Variants in SORL1 observed in about 807,000 individuals in gnomAD.
SORL1 encodes the protein sortilin related receptor 1.
SORL1 carries 127 observed loss-of-function variants against 273.7 expected under a neutral mutation model. The observed-to-expected ratio is 0.46, with a 90% CI of 0.40 to 0.54. The LOEUF is 0.54. Ranked by LOEUF, SORL1 falls within the 20% of genes least tolerant of loss-of-function variation. SORL1 has a pLI of 0.00. For synonymous variants in SORL1, 1,031 were observed against 1,067.4 expected (o/e 0.97, Z 0.66); for missense variants, 2,494 against 2,846.1 (o/e 0.88, Z 2.81).
intron 21 of SORL1, among the ~76,000 whole-genome samples, chr11:121,566,340 CA>C (rs1862754012): frequency 6.6e-6 from 1 of 151,764 alleles, no homozygotes; most frequent in African/African-American, 2.4e-5. Context: ...TTGAGAAGTC[CA>C]AAGACATTCT....
At chr11:121,549,143 C>G (rs1862472645) in intron 14 of SORL1, among the ~76,000 whole-genome samples, 1 of 152,162 alleles carries the variant, frequency 6.6e-6, no homozygotes. Flanking sequence ...GTCTCATGAA[C>G]CTAACTACTG....
In SORL1 at chr11:121,567,081, A is replaced by G. The variant is rs1485099565; in HGVS notation, c.3191A>G (p.Tyr1064Cys). The change falls in exon 22 of 48, where the codon TAT (tyrosine) becomes TGT (cysteine). Residue 1064 changes from tyrosine (Y) to cysteine (C), a missense_variant. This residue lies in a region of SORL1 where 1,609 missense variants were observed against 1,816.4 expected (regional missense o/e 0.89). Transcript: ENST00000260197. Reference sequence around the variant, plus strand: ...CTGATGTGTGACTGCCCTCAGGGCTATCAGCTCAAGAACAATACCTGTGTC... The same window carrying G: ...CTGATGTGTGACTGCCCTCAGGGCTGTCAGCTCAAGAACAATACCTGTGTC... The part of the protein sequence containing the change: ...GDLMCDCPQG[Y>C]QLKNNTCVKQ... 3.7e-6 allele frequency: 6 copies of G among 1,614,090 alleles called. No homozygotes were observed. Among genetic ancestry groups the G allele is most frequent in the South Asian group, 2.2e-5 (2 of 91,072 alleles).
At position 121,554,109 on chromosome 11, in the gene SORL1, G is replaced by C. The variant is rs1273356358; in HGVS notation, c.2439G>C (p.Gln813His). ...YWSDLALDVI[Q>H]RLCLNGSTGQ... ...CCGACCTGGCCTTGGACGTCATCCA[G>C]GTGAGTCAGCGCTTGGTCTGACTGT... The change falls in exon 17 of 48, where the codon CAG (glutamine) becomes CAC (histidine). Residue 813 changes from glutamine (Q) to histidine (H), a missense_variant and splice_region_variant. Coordinates refer to ENST00000260197, the MANE Select transcript of SORL1 (RefSeq NM_003105.6). This position sits in a 1 kb window ranked among gnomAD's most constrained non-coding sequence, Gnocchi z 4.6. 1.2e-6 allele frequency: 2 copies of C among 1,613,598 alleles called. No individual in the cohort carries two copies. Among genetic ancestry groups the C allele is most frequent in the African/African-American group, 1.3e-5 (1 of 75,052 alleles).
At chr11:121,469,247 A>C (rs888741724) in intron 1 of SORL1, among the ~76,000 whole-genome samples, 1 of 151,986 alleles carries the variant, frequency 6.6e-6, no homozygotes, top group South Asian at 2.1e-4. Context: ...ACCTGCTGGA[A>C]CTCAGTCCCA....
chr11:121,496,236 G>A (rs1341213762), intron 5 of SORL1, among the ~76,000 whole-genome samples: 4 of 152,250 alleles, frequency 2.6e-5, no homozygotes, highest in African/African-American at 9.6e-5. Context: ...AGAGTGTGGT[G>A]TTTGCAAAAG....
intron 1 of SORL1, among the ~76,000 whole-genome samples, chr11:121,462,894 A>G (rs1190808213): frequency 1.3e-5 from 2 of 152,222 alleles, no homozygotes; most frequent in African/African-American, 4.8e-5. Context: ...AACACCTAGT[A>G]TAGCATCTGG....
intron 2 of SORL1, among the ~76,000 whole-genome samples, chr11:121,472,450 G>A (rs1419502100): frequency 1.3e-5 from 2 of 152,212 alleles, no homozygotes; most frequent in Non-Finnish European, 2.9e-5. Context: ...CAGTGGGAAG[G>A]TCGGGGCTGA....
At position 121,550,170 on chromosome 11, in the gene SORL1, C is replaced by T. The variant is rs1862487101; in HGVS notation, c.2180+82C>T. 4 of 1,391,874 alleles carry T rather than the reference C, an allele frequency of 2.9e-6. No homozygotes were observed. Among genetic ancestry groups the T allele is most frequent in the Admixed American group, 2.6e-5 (1 of 39,116 alleles). The allele number at this position is 1,391,874 out of a possible 1,614,324, so 86.2% of individuals were successfully genotyped here. A position where few individuals can be genotyped will look rare whatever the true frequency, so the allele number is the denominator to read the frequency against. ...AGAGCATAGAGGACCGTCTGGATTGCTCTACACTCGAAATTCTAGAATTCC... is the reference window on the plus strand; with the variant it reads ...AGAGCATAGAGGACCGTCTGGATTGTTCTACACTCGAAATTCTAGAATTCC... On this transcript the variant is annotated intron_variant, in intron 15 of 47. Coordinates refer to ENST00000260197, the MANE Select transcript of SORL1 (RefSeq NM_003105.6). The surrounding 1 kb of genome is among the most constrained non-coding windows in gnomAD (Gnocchi z 5.3).
intron 16 of SORL1, 94 bp from the exon 17 acceptor site, chr11:121,553,843 A>G: frequency 8.3e-7 from 1 of 1,201,294 alleles, no homozygotes; most frequent in East Asian, 2.4e-5. Flanking sequence ...AATGAATTTG[A>G]GGTTTGTGTA....
At chr11:121,468,818 TGTCCATC>T (rs752721997) in intron 1 of SORL1, among the ~76,000 whole-genome samples, 2 of 152,196 alleles carry the variant, frequency 1.3e-5, no homozygotes, top group Non-Finnish European at 2.9e-5. Context: ...CTCAGACAGG[TGTCCATC>T]AGCCAACAGT....
chr11:121,560,952 G>A (rs913597104), intron 21 of SORL1, among the ~76,000 whole-genome samples: 1 of 152,190 alleles, frequency 6.6e-6, no homozygotes, highest in Non-Finnish European at 1.5e-5. Context: ...TTTCTTAGAG[G>A]AGGCACCTGT....
chr11:121,479,988 C>T (rs887737580), intron 3 of SORL1, among the ~76,000 whole-genome samples: 2 of 152,186 alleles, frequency 1.3e-5, no homozygotes, highest in African/African-American at 4.8e-5. Flanking sequence ...GTGTGGTCCC[C>T]AGGACTCCCA....
At chr11:121,501,372 A>G (rs567570038) in intron 6 of SORL1, among the ~76,000 whole-genome samples, 1 of 152,272 alleles carries the variant, frequency 6.6e-6, no homozygotes, top group East Asian at 1.9e-4. Flanking sequence ...CATTACCATT[A>G]CTTCCTTCTC....
intron 6 of SORL1, 25 bp from the exon 7 acceptor site, chr11:121,512,978 T>G: frequency 6.4e-7 from 1 of 1,554,186 alleles, no homozygotes; most frequent in Non-Finnish European, 8.9e-7. Flanking sequence ...CACCATTAAT[T>G]TTTTTTTCTC....
chr11:121,514,147 C>G lies in SORL1; in HGVS notation c.1042-5C>G. 1.2e-6 allele frequency: 2 copies of G among 1,608,994 alleles called. No individual in the cohort carries two copies. Among genetic ancestry groups the G allele is most frequent in the Non-Finnish European group, 8.5e-7 (1 of 1,178,048 alleles). On this transcript the variant is annotated splice_polypyrimidine_tract_variant and splice_region_variant and intron_variant, in intron 7 of 47. Coordinates refer to ENST00000260197, the MANE Select transcript of SORL1 (RefSeq NM_003105.6). ...ACGTATCTTTTTTGACTTTTGATTC[C>G]AAAGGAATATTACATCGCAGATGCC...
intron 23 of SORL1, among the ~76,000 whole-genome samples, chr11:121,571,313 G>C (rs979025469): frequency 1.1e-4 from 17 of 152,364 alleles, no homozygotes; most frequent in African/African-American, 4.1e-4. Flanking sequence ...CAGGAAACTG[G>C]TTTGAGTTAT....
chr11:121,529,379 G>A (rs1862169762), intron 11 of SORL1, among the ~76,000 whole-genome samples: 1 of 151,858 alleles, frequency 6.6e-6, no homozygotes, highest in African/African-American at 2.4e-5. Flanking sequence ...ACCACACCCG[G>A]CTAATTTTTG....
chr11:121,505,993 C>T (rs1861780812), intron 6 of SORL1, among the ~76,000 whole-genome samples: 1 of 152,088 alleles, frequency 6.6e-6, no homozygotes, highest in Admixed American at 6.5e-5. Flanking sequence ...TTCAGTTTAT[C>T]TTTTTCCTTT....
intron 12 of SORL1, among the ~76,000 whole-genome samples, chr11:121,538,128 A>T (rs936188333): frequency 6.6e-6 from 1 of 152,110 alleles, no homozygotes; most frequent in African/African-American, 2.4e-5. Flanking sequence ...ATCTATTAAT[A>T]AAAACCTCTG....
Sources: allele counts gnomAD v4.1 joint callset (sites outside exome capture counted in the v4.1 genomes callset), GRCh38; gene constraint gnomAD v4.1.1; regional missense constraint gnomAD v4.1.1; non-coding constraint Gnocchi (gnomAD v3.1); transcripts MANE v1.5; gene names NCBI Gene and HGNC (gene_info 2026-07-23, HGNC 2026-07-21).